The following CLEC4F variants were observed in gnomAD, a reference collection of about 807,000 sequenced individuals.
The protein encoded by CLEC4F is C-type lectin domain family 4 member F, also known as C-type (calcium dependent, carbohydrate-recognition domain) lectin, superfamily member 13.
A neutral mutation model predicts 53.4 loss-of-function variants in CLEC4F; 45 were observed. The ratio of observed to expected loss-of-function variants is 0.84; its 90% CI spans 0.66 to 1.08. CLEC4F has a LOEUF of 1.08. Ranked by LOEUF, CLEC4F falls within the 50% of genes least tolerant of loss-of-function variation. The pLI is 0.00. For missense variants in CLEC4F, 753 were observed against 698.2 expected (o/e 1.08, Z -0.88); for synonymous variants, 245 against 257.5 (o/e 0.95, Z 0.46).
Position 70,819,889 on chromosome 2 carries a change from C to A in CLEC4F, c.64G>T (p.Val22Leu). 6.3e-7 allele frequency: 1 copy of A among 1,585,116 alleles called. No homozygotes were observed. The highest frequency in any genetic ancestry group is 8.6e-7 in the Non-Finnish European group (1 of 1,166,522). The change falls in exon 2 of 7, where the codon GTG becomes TTG. Residue 22 changes from valine (V) to leucine (L), a missense_variant and splice_region_variant. Coordinates refer to ENST00000272367, the MANE Select transcript of CLEC4F (RefSeq NM_173535.3). ...GCAGGAGCCATTGCCACAGAGTCCACCTCTGCAGGGGAGAAGGCAGTGTCC... is the reference window on the plus strand; with the variant it reads ...GCAGGAGCCATTGCCACAGAGTCCAACTCTGCAGGGGAGAAGGCAGTGTCC... ...NQCVSLHPQE[V>L]DSVAMAPAAP...
intron 6 of CLEC4F, 60 bp from the exon 7 acceptor site, chr2:70,809,442 A>G (rs1558607492): frequency 1.3e-6 from 2 of 1,515,954 alleles, no homozygotes; most frequent in East Asian, 4.6e-5. Flanking sequence ...TGCCAGCCTC[A>G]GGACCTGTCC....
upstream of CLEC4F, among the ~76,000 whole-genome samples, chr2:70,822,084 A>G (rs1347497383): frequency 6.6e-6 from 1 of 152,186 alleles, no homozygotes; most frequent in Non-Finnish European, 1.5e-5. Flanking sequence ...GTAGTTGACC[A>G]GGCAGAAGTG....
intron 1 of CLEC4F, 95 bp downstream of exon 1, chr2:70,820,368 C>A: frequency 8.9e-7 from 1 of 1,119,710 alleles, no homozygotes; most frequent in Admixed American, 2.2e-5. Context: ...CTGGGGAGAG[C>A]AATAAGACAG....
Position 70,816,592 on chromosome 2 carries a change from A to C in CLEC4F, c.789T>G (p.Ser263Arg), listed in dbSNP as rs1414468947. The change falls in exon 4 of 7, where the codon AGT becomes AGG. Residue 263 changes from serine to arginine, a missense_variant. Coordinates refer to ENST00000272367, the MANE Select transcript of CLEC4F (RefSeq NM_173535.3). Reference protein sequence around the residue: ...EIYVLRGHLDSVNDLRTQNQV... With the variant: ...EIYVLRGHLDRVNDLRTQNQV... ...GGTTCTGGGTCCTCAAGTCATTGAC[A>C]CTATCTAGATGGCCTCTCAAAACAT... 6.2e-7 allele frequency: 1 copy of C among 1,614,034 alleles called. No individual in the cohort carries two copies. The highest frequency in any genetic ancestry group is 8.5e-7 in the Non-Finnish European group (1 of 1,180,002).
chr2:70,814,608 A>G (rs1676791158), intron 4 of CLEC4F, among the ~76,000 whole-genome samples: 1 of 152,150 alleles, frequency 6.6e-6, no homozygotes, highest in Non-Finnish European at 1.5e-5. Context: ...TTTTAATAAA[A>G]TTTATTTTAT....
chr2:70,809,887 CCT>C, intron 5 of CLEC4F, 30 bp from the exon 6 acceptor site: 1 of 1,535,156 alleles, frequency 6.5e-7, no homozygotes, highest in African/African-American at 1.4e-5. Context: ...TCAGTTTGCC[CCT>C]GTGTGTGGGG....
upstream of CLEC4F, among the ~76,000 whole-genome samples, chr2:70,822,142 T>C (rs1050744750): frequency 5.3e-5 from 8 of 152,144 alleles, no homozygotes; most frequent in African/African-American, 1.7e-4. Context: ...GGCAGTCTTG[T>C]GGGACTGAGG....
chr2:70,813,641 TTCGCTC>T (rs1676733802), intron 4 of CLEC4F, among the ~76,000 whole-genome samples: 5 of 145,952 alleles, frequency 3.4e-5, no homozygotes, highest in Admixed American at 6.8e-5. Context: ...CTTTCTTTCT[TTCGCTC>T]TCTCTCTTTT....
chr2:70,811,918 A>AC (rs111945247), intron 5 of CLEC4F, among the ~76,000 whole-genome samples: 2,279 of 152,004 alleles, frequency 0.015, 56 homozygotes, highest in African/African-American at 0.052. Context: ...CAAAAAAAAT[A>AC]CTCCCCAAAA....
At chr2:70,813,893 G>A (rs1676750777) in intron 4 of CLEC4F, among the ~76,000 whole-genome samples, 1 of 152,112 alleles carries the variant, frequency 6.6e-6, no homozygotes, top group Non-Finnish European at 1.5e-5. Flanking sequence ...TGGCCAAGCT[G>A]CTCTCAAACT....
intron 5 of CLEC4F, chr2:70,810,735 G>A: frequency 2.3e-6 from 1 of 426,674 alleles, no homozygotes; most frequent in Non-Finnish European, 4.6e-6. Context: ...TGTCTAAAAT[G>A]ATATATACAG....
chr2:70,821,229 G>A (rs1266193119), upstream of CLEC4F, among the ~76,000 whole-genome samples: 1 of 152,118 alleles, frequency 6.6e-6, no homozygotes, highest in African/African-American at 2.4e-5. Context: ...CTCCTAAAAC[G>A]CTTAGAGTTT....
Position 70,809,035 on chromosome 2 carries a change from C to T in CLEC4F, c.*236G>A. 6.7e-7 allele frequency: 1 copy of T among 1,501,308 alleles called. No homozygotes were observed. Among genetic ancestry groups the T allele is most frequent in the Non-Finnish European group, 9.0e-7 (1 of 1,114,546 alleles). 93.0% of individuals were successfully genotyped at this position (1,501,308 alleles called of 1,614,324 possible). ...AATTTGGACACAGTCTTCAGTCTGC[C>T]CATTCTTGTGCCGCCAGTTGTCAGA... On this transcript the variant is annotated 3_prime_UTR_variant, in exon 7 of 7. Coordinates refer to ENST00000272367, the MANE Select transcript of CLEC4F (RefSeq NM_173535.3).
rs1307984047 is a variant in CLEC4F, at chr2:70,813,523, C to CTTTCTTTCTTTT, written c.1388-926_1388-925insAAAAGAAAGAAA. Among the ~76,000 whole-genome samples the CTTTCTTTCTTTT allele has an allele frequency of 1.5e-3, 218 of 150,242 alleles. 1 individual carries two copies. The highest frequency in any genetic ancestry group is 5.0e-3 in the African/African-American group (205 of 40,880). ...CTTTCTTTCTTTCTTTTCTTTCTTTCTTTCTTTCTTTCTTTTTTTCTTTCT... is the reference window on the plus strand; with the variant it reads ...CTTTCTTTCTTTCTTTTCTTTCTTTCTTTCTTTCTTTTTTTCTTTCTTTCTTTTTTTCTTTCT... On this transcript the variant is annotated intron_variant, in intron 4 of 6. Transcript: ENST00000272367.
chr2:70,811,241 G>T, intron 5 of CLEC4F: 2 of 895,012 alleles, frequency 2.2e-6, no homozygotes, highest in Admixed American at 3.6e-5. Flanking sequence ...ATTAGCTCAA[G>T]GCACAATTGT....
intron 3 of CLEC4F, 91 bp downstream of exon 3, chr2:70,819,264 C>T (rs1553397171): frequency 1.0e-6 from 1 of 980,742 alleles, no homozygotes; most frequent in Non-Finnish European, 1.6e-6. Flanking sequence ...ATTCAGTGGT[C>T]AGAGGGTACC....
At position 70,808,946 on chromosome 2, in the gene CLEC4F, C is replaced by T; in HGVS notation, c.*325G>A. ...GCCTGCCCTCAGGCCACACCCTGGCCCATGGGCTTCTTGCACACCCACTGA... is the reference window on the plus strand; with the variant it reads ...GCCTGCCCTCAGGCCACACCCTGGCTCATGGGCTTCTTGCACACCCACTGA... On this transcript the variant is annotated 3_prime_UTR_variant, in exon 7 of 7. Transcript: ENST00000272367. 1 of 866,510 alleles carries T rather than the reference C, an allele frequency of 1.2e-6. No homozygotes were observed. The highest frequency in any genetic ancestry group is 1.6e-5 in the South Asian group (1 of 61,936). The allele number at this position is 866,510 out of a possible 1,614,324, so 53.7% of individuals were successfully genotyped here. A position where few individuals can be genotyped will look rare whatever the true frequency, so the allele number is the denominator to read the frequency against.
intron 3 of CLEC4F, among the ~76,000 whole-genome samples, chr2:70,817,762 TC>T (rs1214261256): frequency 1.3e-5 from 2 of 152,168 alleles, no homozygotes; most frequent in Non-Finnish European, 2.9e-5. Context: ...TGCCATGCCC[TC>T]CAGGTAACTA....
At position 70,819,351 on chromosome 2, in the gene CLEC4F, T is replaced by C; in HGVS notation, c.268+4A>G. ...TGCACCCCACCCCCACTGTGGCTAC[T>C]CACTGTTGGGTTCAAAAGGTAAATG... On this transcript the variant is annotated splice_donor_region_variant and intron_variant, in intron 3 of 6. Coordinates refer to ENST00000272367, the MANE Select transcript of CLEC4F (RefSeq NM_173535.3). 1 of 1,613,254 alleles carries C rather than the reference T, an allele frequency of 6.2e-7. No individual in the cohort carries two copies. Among genetic ancestry groups the C allele is most frequent in the Non-Finnish European group, 8.5e-7 (1 of 1,179,230 alleles).
Sources: allele counts gnomAD v4.1 joint callset (sites outside exome capture counted in the v4.1 genomes callset), GRCh38; gene constraint gnomAD v4.1.1; transcripts MANE v1.5; gene names NCBI Gene and HGNC (gene_info 2026-07-23, HGNC 2026-07-21).